EVC2: variants seen among roughly 807,000 people sequenced by gnomAD.
EVC2 encodes limbin.
A neutral mutation model predicts 149.3 loss-of-function variants in EVC2; 148 were observed. The observed-to-expected ratio is 0.99, with a 90% confidence interval of 0.87 to 1.14. The LOEUF (loss-of-function observed/expected upper bound fraction) is 1.14. Ranked by LOEUF, EVC2 falls within the 50% of genes most tolerant of loss-of-function variation. The pLI is 0.00. For synonymous variants in EVC2, 776 were observed against 649.9 expected (o/e 1.19, Z -2.95); for missense variants, 1,854 against 1,627.3 (o/e 1.14, Z -2.40).
Position 5,644,646 on chromosome 4 carries a change from T to C in EVC2, c.1146-3808A>G, listed in dbSNP as rs544728993. ...GTGCAGTTCAGTGGTAATAAATATC[T>C]TTTATTTATATTCTTGTTTTCCTTC... On this transcript the variant is annotated intron_variant, in intron 9 of 21. Transcript: ENST00000344408. Among the ~76,000 whole-genome samples, 3 of 152,336 alleles carry C rather than the reference T, an allele frequency of 2.0e-5. No individual in the cohort carries two copies. The South Asian group carries it at 6.2e-4, about 32-fold the overall frequency.
intron 16 of EVC2, among the ~76,000 whole-genome samples, chr4:5,587,586 A>G (rs1331822429): frequency 6.6e-6 from 1 of 152,186 alleles, no homozygotes; most frequent in Non-Finnish European, 1.5e-5. Context: ...CTGTAGCGGG[A>G]AGAGCCGCAG....
chr4:5,603,248 C>T (rs1167646650), intron 16 of EVC2, among the ~76,000 whole-genome samples: 1 of 152,056 alleles, frequency 6.6e-6, no homozygotes, highest in Non-Finnish European at 1.5e-5. Flanking sequence ...TTATTGGGGT[C>T]AGTGGGAAGC....
chr4:5,533,216 C>T, the EVC2 span, among the ~76,000 whole-genome samples: 3 of 151,884 alleles, frequency 2.0e-5, no homozygotes, highest in African/African-American at 2.4e-5. Context: ...GGTGGGGTTG[C>T]GATTTTTAAT....
chr4:5,689,572 G>C (rs1490753850), intron 4 of EVC2, among the ~76,000 whole-genome samples: 1 of 152,196 alleles, frequency 6.6e-6, no homozygotes, highest in Non-Finnish European at 1.5e-5. Flanking sequence ...AAGAAACTGA[G>C]ATGCTGAAAT....
At chr4:5,534,242 A>G in the EVC2 span, among the ~76,000 whole-genome samples, 1 of 152,180 alleles carries the variant, frequency 6.6e-6, no homozygotes, top group East Asian at 1.9e-4. Flanking sequence ...AGAGAATGAC[A>G]TGAGAATGTT....
chr4:5,696,528 C>A lies in EVC2; in HGVS notation c.283+1065G>T, dbSNP rs1001571060. ...GGGCCTGCACTGGAACTGTCACAGC[C>A]GCTGGGAAGTCTGCGCTGCAGGTGC... On this transcript the variant is annotated intron_variant, in intron 2 of 21. Coordinates refer to ENST00000344408, the MANE Select transcript of EVC2 (RefSeq NM_147127.5). The surrounding 1 kb of genome is among the most constrained non-coding windows in gnomAD (Gnocchi z 4.1). 6.6e-6 allele frequency among the ~76,000 whole-genome samples: 1 copy of A among 152,198 alleles called. No homozygotes were observed. Among genetic ancestry groups the A allele is most frequent in the Non-Finnish European group, 1.5e-5 (1 of 68,048 alleles).
chr4:5,541,731 T>C (rs1268867448), downstream of EVC2, among the ~76,000 whole-genome samples: 1 of 152,178 alleles, frequency 6.6e-6, no homozygotes, highest in Non-Finnish European at 1.5e-5. Flanking sequence ...TTATCATCTC[T>C]GAGCCTTGTT....
chr4:5,567,748 T>G lies in EVC2; in HGVS notation c.3557+696A>C, dbSNP rs1415750721. ...AAATGGGCCCAAACTGAATGTCAAG[T>G]GACGGGATGACAGTTACATGCTCTA... On this transcript the variant is annotated intron_variant, in intron 20 of 21. Coordinates refer to ENST00000344408, the MANE Select transcript of EVC2 (RefSeq NM_147127.5). The surrounding 1 kb of genome is among the most constrained non-coding windows in gnomAD (Gnocchi z 4.4). 1.3e-5 allele frequency among the ~76,000 whole-genome samples: 2 copies of G among 152,142 alleles called. No individual in the cohort carries two copies. Among genetic ancestry groups the G allele is most frequent in the Admixed American group, 1.3e-4 (2 of 15,274 alleles).
intron 4 of EVC2, among the ~76,000 whole-genome samples, chr4:5,690,325 G>A (rs773753746): frequency 6.6e-6 from 1 of 152,140 alleles, no homozygotes. Context: ...TCAGGAGAAA[G>A]GACTGGCCCT....
At chr4:5,565,589 C>G (rs1722227425) in intron 20 of EVC2, among the ~76,000 whole-genome samples, 1 of 151,124 alleles carries the variant, frequency 6.6e-6, no homozygotes, top group Non-Finnish European at 1.5e-5. Context: ...GAAAGAATCG[C>G]TTGAACCCAG....
At chr4:5,615,034 G>T (rs973203807) in intron 16 of EVC2, among the ~76,000 whole-genome samples, 13 of 152,138 alleles carry the variant, frequency 8.5e-5, no homozygotes, top group African/African-American at 2.9e-4. Context: ...AGCCTGGTGA[G>T]TTTGTGGGAA....
At chr4:5,642,761 A>T (rs1057163234) in intron 9 of EVC2, among the ~76,000 whole-genome samples, 1 of 152,190 alleles carries the variant, frequency 6.6e-6, no homozygotes, top group Non-Finnish European at 1.5e-5. Flanking sequence ...ATCTTTGATA[A>T]TTTGATTTGG....
intron 9 of EVC2, among the ~76,000 whole-genome samples, chr4:5,641,633 A>AATTAT (rs1168828864): frequency 7.9e-5 from 12 of 152,304 alleles, no homozygotes; most frequent in African/African-American, 2.9e-4. Flanking sequence ...TACCTCTATA[A>AATTAT]AGCGAAGGAA....
chr4:5,615,785 T>C (rs1285689287), intron 15 of EVC2, among the ~76,000 whole-genome samples: 1 of 152,190 alleles, frequency 6.6e-6, no homozygotes, highest in Non-Finnish European at 1.5e-5. Context: ...GGGAGCCTGC[T>C]GGGCAGAACC....
exon 22 of EVC2, chr4:5,543,055 A>C (rs1721545543): frequency 9.7e-7 from 1 of 1,032,050 alleles, no homozygotes; most frequent in African/African-American, 1.6e-5. Flanking sequence ...CTATTACGCA[A>C]ACAGAGGCTC....
At chr4:5,647,372 T>C (rs2108873331) in intron 9 of EVC2, among the ~76,000 whole-genome samples, 1 of 152,346 alleles carries the variant, frequency 6.6e-6, no homozygotes, top group East Asian at 1.9e-4. Flanking sequence ...CTGCGGTCTT[T>C]ATTCTTTTTG....
intron 2 of EVC2, among the ~76,000 whole-genome samples, chr4:5,695,852 A>G (rs1218422151): frequency 6.6e-6 from 1 of 152,206 alleles, no homozygotes; most frequent in Admixed American, 6.5e-5. Context: ...TTTCTATAGA[A>G]TTTCAAAATA....
At chr4:5,635,289 G>A (rs1402153260) in intron 10 of EVC2, among the ~76,000 whole-genome samples, 6 of 151,870 alleles carry the variant, frequency 4.0e-5, no homozygotes, top group East Asian at 1.9e-4. Context: ...CACCTGTCTC[G>A]GCATCCCAAA....
intron 6 of EVC2, among the ~76,000 whole-genome samples, chr4:5,684,292 G>A (rs1004678362): frequency 6.6e-6 from 1 of 152,062 alleles, no homozygotes; most frequent in Non-Finnish European, 1.5e-5. Context: ...TTTATCTAAG[G>A]TTTTTTGTTT....
Sources: gnomAD v4.1 joint callset for allele counts (sites outside exome capture counted in the v4.1 genomes callset) on GRCh38, gnomAD v4.1.1 for gene constraint, Gnocchi (gnomAD v3.1) non-coding constraint, MANE v1.5 for transcripts, NCBI Gene and HGNC (gene_info 2026-07-23, HGNC 2026-07-21) for gene names.